The following MGAT5 variants were observed in gnomAD, a reference collection of about 807,000 sequenced individuals.
The protein encoded by MGAT5 is alpha-1,6-mannosylglycoprotein 6-beta-N-acetylglucosaminyltransferase A.
MGAT5 carries 30 observed loss-of-function variants against 94.3 expected under a neutral mutation model. The observed-to-expected ratio is 0.32, with a 90% CI of 0.24 to 0.43. MGAT5 has a LOEUF of 0.43. Ranked by LOEUF, MGAT5 falls within the 20% of genes least tolerant of loss-of-function variation. MGAT5 has a pLI of 1.00. For synonymous variants in MGAT5, 310 were observed against 322.9 expected, an observed-to-expected ratio of 0.96 and a Z score of 0.43; for missense variants, 691 against 905.5, an observed-to-expected ratio of 0.76 and a Z score of 3.04.
chr2:134,312,863 C>T lies in MGAT5; in HGVS notation c.407-4666C>T, dbSNP rs183077380. On this transcript the variant is annotated intron_variant, in intron 2 of 15. Coordinates refer to ENST00000281923, the MANE Select transcript of MGAT5 (RefSeq NM_002410.5). ...GTAACCATCTTCCTTTTTTCTAAAA[C>T]GGGATAATGTATGTGATGTATCAAG... Among the ~76,000 whole-genome samples, 477 of 152,100 alleles carry T rather than the reference C, an allele frequency of 3.1e-3. 6 individuals carry two copies. The highest frequency in any genetic ancestry group is 0.017 in the Middle Eastern group (5 of 294).
intron 1 of MGAT5, among the ~76,000 whole-genome samples, chr2:134,190,313 A>G (rs1165623313): frequency 2.0e-5 from 3 of 152,102 alleles, no homozygotes; most frequent in Admixed American, 2.0e-4. Flanking sequence ...TGATTTTCCC[A>G]TGTTTGATTT....
intron 12 of MGAT5, among the ~76,000 whole-genome samples, chr2:134,420,240 G>T (rs930425579): frequency 6.6e-6 from 1 of 152,176 alleles, no homozygotes; most frequent in Non-Finnish European, 1.5e-5. Flanking sequence ...AATAACGTTT[G>T]TGCAGGTGAT....
intron 14 of MGAT5, 59 bp downstream of exon 14, chr2:134,428,498 G>T: frequency 6.8e-7 from 1 of 1,471,014 alleles, no homozygotes. Context: ...TGACGCCATA[G>T]GGCTCTCAAG....
At chr2:134,215,424 TCTG>T (rs1680441362) in intron 1 of MGAT5, among the ~76,000 whole-genome samples, 1 of 152,202 alleles carries the variant, frequency 6.6e-6, no homozygotes, top group African/African-American at 2.4e-5. Flanking sequence ...GGTGGCTACA[TCTG>T]CTCAGCTTTT....
chr2:134,360,550 A>C (rs1233253079), intron 9 of MGAT5, among the ~76,000 whole-genome samples: 1 of 126,384 alleles, frequency 7.9e-6, no homozygotes, highest in Non-Finnish European at 1.9e-5. Flanking sequence ...AAAATAAAAA[A>C]AATTTAAAAA....
rs995901213 is a variant in MGAT5, at chr2:134,309,690, C to T, written c.407-7839C>T. On this transcript the variant is annotated intron_variant, in intron 2 of 15. Transcript: ENST00000281923. ...GGCTGACCATTTCTAGTAGCAGCAC[C>T]GTGGGGCTTATCAGAATGGAGGGTT... 2.6e-5 allele frequency among the ~76,000 whole-genome samples: 4 copies of T among 151,962 alleles called. No homozygotes were observed. In the East Asian group the frequency reaches 7.7e-4, roughly 29 times the overall value.
At chr2:134,323,226 T>G (rs1247069059) in intron 4 of MGAT5, among the ~76,000 whole-genome samples, 3 of 152,164 alleles carry the variant, frequency 2.0e-5, no homozygotes, top group African/African-American at 7.2e-5. Context: ...CCACAGCTGT[T>G]TGTTATATGT....
chr2:134,266,608 C>T (rs562345285), intron 1 of MGAT5, among the ~76,000 whole-genome samples: 7 of 152,298 alleles, frequency 4.6e-5, no homozygotes, highest in South Asian at 2.1e-4. Context: ...TTTCATTGCC[C>T]GGAAAGGTAT....
At chr2:134,140,993 G>A (rs1686628585) in intron 1 of MGAT5, among the ~76,000 whole-genome samples, 1 of 152,224 alleles carries the variant, frequency 6.6e-6, no homozygotes, top group Non-Finnish European at 1.5e-5. Context: ...AACTGCCATT[G>A]TAGCAGAATG....
rs552492985 is a variant in MGAT5, at chr2:134,338,377, C to A, written c.764C>A (p.Ser255Tyr). ...GACGCATGGATCCAAGCAATCAAGTCCCTGGCAGAAAAGCAGAACCTTGAA... is the reference window on the plus strand; with the variant it reads ...GACGCATGGATCCAAGCAATCAAGTACCTGGCAGAAAAGCAGAACCTTGAA... ...MADAWIQAIK[S>Y]LAEKQNLEKR... Residue 255 changes from serine (S) to tyrosine (Y), a missense_variant, in exon 6 of 16, where the codon TCC becomes TAC. Ser to Tyr is a moderately radical substitution (Grantham distance 144, BLOSUM62 -2). Around this residue, in one of 4 missense-constraint regions of MGAT5, gnomAD observed 307 missense variants for 335.4 expected, o/e 0.92. Transcript: ENST00000281923. 2 of 1,611,752 alleles carry A rather than the reference C, an allele frequency of 1.2e-6. No homozygotes were observed. The highest frequency in any genetic ancestry group is 1.7e-5 in the Admixed American group (1 of 59,562).
chr2:134,401,170 C>T (rs1036682281), intron 10 of MGAT5, among the ~76,000 whole-genome samples: 11 of 152,048 alleles, frequency 7.2e-5, no homozygotes, highest in African/African-American at 1.7e-4. Flanking sequence ...CTCTTATGAC[C>T]GACTGTCTGC....
intron 2 of MGAT5, among the ~76,000 whole-genome samples, chr2:134,271,098 T>C (rs372452046): frequency 3.9e-4 from 59 of 152,328 alleles, no homozygotes; most frequent in Admixed American, 1.2e-3. Flanking sequence ...CGGTTCCCAC[T>C]GGGAGGCATT....
chr2:134,397,871 G>C (rs1682809658), intron 10 of MGAT5, among the ~76,000 whole-genome samples: 1 of 152,196 alleles, frequency 6.6e-6, no homozygotes, highest in Admixed American at 6.5e-5. Context: ...CTGTGCAGTT[G>C]ACAGCCCCAA....
chr2:134,279,518 A>C (rs1187558802), intron 2 of MGAT5, among the ~76,000 whole-genome samples: 1 of 152,200 alleles, frequency 6.6e-6, no homozygotes, highest in East Asian at 1.9e-4. Flanking sequence ...CTGACCCTTC[A>C]AGGAATACAT....
rs986211775 is a variant in MGAT5, at chr2:134,433,385, G to A, written c.1869+4946G>A. ...GCAATCTGTGTATGGACCTGTTTTC[G>A]TTTCTCCTGCGTAGACTCCTAGAAG... On this transcript the variant is annotated intron_variant, in intron 14 of 15. Transcript: ENST00000281923. Among the ~76,000 whole-genome samples, 11 of 152,290 alleles carry A rather than the reference G, an allele frequency of 7.2e-5. 1 individual carries two copies. Among genetic ancestry groups the A allele is most frequent in the Admixed American group, 5.9e-4 (9 of 15,298 alleles).
At position 134,120,381 on chromosome 2, in the gene MGAT5, G is replaced by A. The variant is rs987215577; in HGVS notation, c.-143+90G>A. The A allele has an allele frequency of 1.9e-4, 71 of 370,164 alleles. 2 individuals are homozygous for A. The highest frequency in any genetic ancestry group is 6.7e-5 in the Non-Finnish European group (14 of 207,460). The allele number at this position is 370,164 out of a possible 1,614,324, so 22.9% of individuals were successfully genotyped here. A position where few individuals can be genotyped will look rare whatever the true frequency, so the allele number is the denominator to read the frequency against. On this transcript the variant is annotated intron_variant, in intron 1 of 16. Coordinates refer to the MGAT5 transcript ENST00000409645. ...CGCAGAGGGGACCGCGGGGGGCACG[G>A]GGAACCAGGCGCGGGCGAGGAGAGC...
intron 2 of MGAT5, among the ~76,000 whole-genome samples, chr2:134,313,269 G>A (rs1039466123): frequency 4.6e-5 from 7 of 152,060 alleles, no homozygotes; most frequent in Admixed American, 1.3e-4. Flanking sequence ...GTGACATCTC[G>A]TGCTGCTTCT....
At chr2:134,318,767 G>A (rs749412204) in intron 4 of MGAT5, 28 bp downstream of exon 4, 5 of 1,517,802 alleles carry the variant, frequency 3.3e-6, no homozygotes, top group Non-Finnish European at 4.6e-6. Flanking sequence ...GCTCCTGGGG[G>A]TAGATGTGAC....
intron 1 of MGAT5, among the ~76,000 whole-genome samples, chr2:134,189,601 T>TG (rs1553490361): frequency 2.1e-5 from 2 of 94,322 alleles, no homozygotes; most frequent in Non-Finnish European, 3.9e-5. Context: ...AGTTTTTTTT[T>TG]GTTTTTTTTT....
Sources: allele counts gnomAD v4.1 joint callset (sites outside exome capture counted in the v4.1 genomes callset), GRCh38; gene constraint gnomAD v4.1.1; regional missense constraint gnomAD v4.1.1; transcripts MANE v1.5; gene names NCBI Gene and HGNC (gene_info 2026-07-23, HGNC 2026-07-21).